Variants in FHIP1A observed in about 807,000 individuals in gnomAD.
FHIP1A encodes the protein FHF complex subunit HOOK-interacting protein 1A.
Under a neutral mutation model 88.6 loss-of-function variants are expected in FHIP1A, and 61 were observed. The ratio of observed to expected loss-of-function variants is 0.69; its 90% CI spans 0.56 to 0.85. The LOEUF (loss-of-function observed/expected upper bound fraction) is 0.85, where lower values mean the gene tolerates loss of function less well. FHIP1A is among the 40% of genes least tolerant of loss of function. The pLI is 0.00. For synonymous variants in FHIP1A, 478 were observed against 496.0 expected, an observed-to-expected ratio of 0.96 and a Z score of 0.48; for missense variants, 1,154 against 1,273.5, an observed-to-expected ratio of 0.91 and a Z score of 1.43.
chr4:151,610,229 G>A (rs1215059852), intron 7 of FHIP1A, among the ~76,000 whole-genome samples: 1 of 152,166 alleles, frequency 6.6e-6, no homozygotes, highest in Non-Finnish European at 1.5e-5. Flanking sequence ...ACTTTAAAAT[G>A]GTGCCTGGAA....
intron 7 of FHIP1A, among the ~76,000 whole-genome samples, chr4:151,606,999 G>A (rs1735099207): frequency 1.3e-5 from 2 of 152,170 alleles, no homozygotes; most frequent in African/African-American, 4.8e-5. Context: ...GGACAGACAG[G>A]TATTCCATTT....
intron 3 of FHIP1A, among the ~76,000 whole-genome samples, chr4:151,502,344 A>G (rs1730684113): frequency 6.6e-6 from 1 of 150,562 alleles, no homozygotes; most frequent in Non-Finnish European, 1.5e-5. Flanking sequence ...ACAAACAAAC[A>G]AACAAACAAA....
At chr4:151,435,402 A>G (rs1454847543) in intron 1 of FHIP1A, among the ~76,000 whole-genome samples, 2 of 152,186 alleles carry the variant, frequency 1.3e-5, no homozygotes, top group African/African-American at 2.4e-5. Context: ...TTAAATTAAA[A>G]TTATCAAATA....
At chr4:151,573,468 C>A (rs992400394) in intron 4 of FHIP1A, among the ~76,000 whole-genome samples, 1 of 152,124 alleles carries the variant, frequency 6.6e-6, no homozygotes, top group South Asian at 2.1e-4. Context: ...GTATTTTCAG[C>A]CTAACAAAGT....
chr4:151,597,454 G>T (rs896265045), intron 7 of FHIP1A, among the ~76,000 whole-genome samples: 1 of 152,152 alleles, frequency 6.6e-6, no homozygotes, highest in Non-Finnish European at 1.5e-5. Flanking sequence ...TCCTGTATGA[G>T]GTGTCTGTGG....
chr4:151,472,609 C>T (rs1412141422), intron 2 of FHIP1A, among the ~76,000 whole-genome samples: 2 of 148,334 alleles, frequency 1.3e-5, no homozygotes, highest in African/African-American at 2.5e-5. Flanking sequence ...GAATTTTTTC[C>T]TCTTGCCTTG....
Position 151,634,267 on chromosome 4 carries a change from G to C in FHIP1A, c.1146+4398G>C, listed in dbSNP as rs1423894952. On this transcript the variant is annotated intron_variant, in intron 8 of 13. Coordinates refer to ENST00000435205, the MANE Select transcript of FHIP1A (RefSeq NM_001109977.3). ...CAAAACATTGAAAGAAATGAAAGAA[G>C]AACAAATAGAAAGACATTCCGTGTT... Among the ~76,000 whole-genome samples the C allele has an allele frequency of 7.3e-5, 11 of 151,628 alleles. No individual in the cohort carries two copies. In the East Asian group the frequency reaches 2.1e-3, roughly 29 times the overall value.
intron 1 of FHIP1A, among the ~76,000 whole-genome samples, chr4:151,437,724 G>A (rs1318036112): frequency 6.6e-6 from 1 of 152,140 alleles, no homozygotes; most frequent in African/African-American, 2.4e-5. Context: ...CACCCATAGA[G>A]TGAATCTTAA....
At position 151,460,936 on chromosome 4, in the gene FHIP1A, A is replaced by G. The variant is rs376372627; in HGVS notation, c.-248+6128A>G. On this transcript the variant is annotated intron_variant, in intron 2 of 13. Coordinates refer to ENST00000435205, the MANE Select transcript of FHIP1A (RefSeq NM_001109977.3). ...ATTGTGTGGTTGTATGGCAATGGAT[A>G]TGAAGTTTATTTGACTGGTATAAAT... Among the ~76,000 whole-genome samples, 25 of 152,344 alleles carry G rather than the reference A, an allele frequency of 1.6e-4. No homozygotes were observed. In the South Asian group the frequency reaches 3.1e-3, roughly 19 times the overall value.
chr4:151,581,002 C>T (rs755548991), intron 5 of FHIP1A, among the ~76,000 whole-genome samples: 3 of 152,138 alleles, frequency 2.0e-5, no homozygotes, highest in South Asian at 2.1e-4. Context: ...GGACTACAGG[C>T]GTGTGCCACC....
chr4:151,426,837 C>T lies in FHIP1A; in HGVS notation c.-356+17372C>T, dbSNP rs535556305. ...AGGCTTAAGATTTTAATTCCTAAACCTAAATTATTGTATTTTTCTTTAAAA... is the reference window on the plus strand; with the variant it reads ...AGGCTTAAGATTTTAATTCCTAAACTTAAATTATTGTATTTTTCTTTAAAA... On this transcript the variant is annotated intron_variant, in intron 1 of 13. Transcript: ENST00000435205. Among the ~76,000 whole-genome samples the T allele has an allele frequency of 2.0e-3, 302 of 152,100 alleles. 1 individual carries two copies. The highest frequency in any genetic ancestry group is 7.2e-3 in the African/African-American group (299 of 41,484).
chr4:151,507,958 G>A (rs1482129733), intron 3 of FHIP1A, among the ~76,000 whole-genome samples: 3 of 152,174 alleles, frequency 2.0e-5, no homozygotes, highest in Non-Finnish European at 4.4e-5. Flanking sequence ...CTTTCTTGAC[G>A]CATTTTGAAT....
At chr4:151,490,458 G>A (rs1242045094) in intron 3 of FHIP1A, among the ~76,000 whole-genome samples, 4 of 152,118 alleles carry the variant, frequency 2.6e-5, no homozygotes, top group Non-Finnish European at 4.4e-5. Flanking sequence ...AGGGGAAGGG[G>A]GAGAGCACCA....
rs576193818 is a variant in FHIP1A at position 151,418,957 on chromosome 4, C to T, written c.-356+9492C>T. Among the ~76,000 whole-genome samples, 67 of 152,188 alleles carry T rather than the reference C, an allele frequency of 4.4e-4. No homozygotes were observed. The South Asian group carries it at 0.014, about 31-fold the overall frequency. On this transcript the variant is annotated intron_variant, in intron 1 of 13. Coordinates refer to ENST00000435205, the MANE Select transcript of FHIP1A (RefSeq NM_001109977.3). Reference sequence around the variant, plus strand: ...TTTCATTCCATAGTCAATTGATTTTCCAAACTATAGCTGTGCTCATGTCAC... The same window carrying T: ...TTTCATTCCATAGTCAATTGATTTTTCAAACTATAGCTGTGCTCATGTCAC...
At chr4:151,620,280 C>A (rs987485752) in intron 7 of FHIP1A, among the ~76,000 whole-genome samples, 1 of 152,200 alleles carries the variant, frequency 6.6e-6, no homozygotes, top group Non-Finnish European at 1.5e-5. Context: ...GGGGCTGTGT[C>A]CACCCACAGG....
chr4:151,618,728 G>A (rs1017680469), intron 7 of FHIP1A, among the ~76,000 whole-genome samples: 8 of 152,192 alleles, frequency 5.3e-5, no homozygotes, highest in Non-Finnish European at 1.2e-4. Context: ...CTTGTTTTCC[G>A]TTTGTAGCAG....
chr4:151,447,878 C>G (rs1025390395), intron 1 of FHIP1A, among the ~76,000 whole-genome samples: 1 of 152,116 alleles, frequency 6.6e-6, no homozygotes, highest in Non-Finnish European at 1.5e-5. Context: ...ACCTTGCCTG[C>G]ACCTCGATCT....
At chr4:151,453,005 G>A (rs1339955325) in intron 1 of FHIP1A, among the ~76,000 whole-genome samples, 1 of 149,580 alleles carries the variant, frequency 6.7e-6, no homozygotes, top group African/African-American at 2.5e-5. Flanking sequence ...ATAAAATTAG[G>A]CCTATACTGG....
intron 1 of FHIP1A, among the ~76,000 whole-genome samples, chr4:151,434,202 A>G (rs747852069): frequency 4.6e-4 from 70 of 152,090 alleles, no homozygotes; most frequent in Non-Finnish European, 1.0e-4. Flanking sequence ...CACATTCTTC[A>G]TTTACTACCC....
Sources: allele counts gnomAD v4.1 joint callset (sites outside exome capture counted in the v4.1 genomes callset), GRCh38; gene constraint gnomAD v4.1.1; transcripts MANE v1.5; gene names NCBI Gene and HGNC (gene_info 2026-07-23, HGNC 2026-07-21).